Variants in ECD observed in about 807,000 individuals in gnomAD.
ECD encodes the protein protein ecdysoneless homolog.
In ECD, 59 loss-of-function variants were observed where a neutral mutation model predicts 77.2. The observed-to-expected ratio is 0.76, with a 90% CI of 0.62 to 0.95. The LOEUF (loss-of-function observed/expected upper bound fraction) is 0.95, where lower values mean the gene tolerates loss of function less well. Ranked by LOEUF, ECD falls within the 40% of genes least tolerant of loss-of-function variation. The probability of loss-of-function intolerance (pLI) is 0.00; values close to 1 mark genes in which losing one functional copy is unlikely to be tolerated. For missense variants in ECD, 704 were observed against 763.4 expected, an observed-to-expected ratio of 0.92 and a Z score of 0.92; for synonymous variants, 233 against 267.4, an observed-to-expected ratio of 0.87 and a Z score of 1.26.
chr10:73,166,793 C>T lies in ECD; in HGVS notation c.-14+1073G>A, dbSNP rs1589124382. 2.0e-5 allele frequency among the ~76,000 whole-genome samples: 3 copies of T among 152,280 alleles called. No individual in the cohort carries two copies. In the South Asian group the frequency reaches 6.2e-4, roughly 32 times the overall value. On this transcript the variant is annotated intron_variant, in intron 1 of 13. Coordinates refer to ENST00000372979, the MANE Select transcript of ECD (RefSeq NM_007265.3). ...TCCACTTTGTTGATTGTTTCCTTTG[C>T]TGTGCAGAAGCTTTTTAACTTGATG... is the stretch of plus-strand genomic sequence containing the variant.
chr10:73,143,063 C>A (rs1843078732), intron 9 of ECD, among the ~76,000 whole-genome samples: 2 of 152,152 alleles, frequency 1.3e-5, no homozygotes, highest in Admixed American at 6.5e-5. Context: ...GACAAGGACA[C>A]TTTGGGTTCA....
Position 73,160,461 on chromosome 10 carries a change from G to A in ECD, c.296C>T (p.Thr99Ile). 6.2e-7 allele frequency: 1 copy of A among 1,602,666 alleles called. No individual in the cohort carries two copies. Among genetic ancestry groups the A allele is most frequent in the Non-Finnish European group, 8.5e-7 (1 of 1,176,046 alleles). Residue 99 changes from threonine to isoleucine, a missense_variant, in exon 3 of 14, where the codon ACA (threonine) becomes ATA (isoleucine). Transcript: ENST00000372979. ...TGCTACTAACTCTGGAAATTCCTTT[G>A]TGATCTGCTTTATTACATAAACAAT... ...WFIVYVIKQI[T>I]KEFPELVARI... is the part of the protein sequence containing the mutation.
chr10:73,168,091 AT>A (rs772393927), upstream of ECD: 329 of 530,978 alleles, frequency 6.2e-4, no homozygotes, highest in Non-Finnish European at 1.0e-3. Context: ...CGGCGGGAGC[AT>A]TTTGCGAGTG....
At chr10:73,139,824 G>T (rs1589679962) in intron 9 of ECD, 87 bp from the exon 10 acceptor site, 4 of 884,808 alleles carry the variant, frequency 4.5e-6, no homozygotes, top group Non-Finnish European at 5.0e-6. Flanking sequence ...GGTTGGAAGG[G>T]ATTAGCTAGT....
In ECD at chr10:73,136,794, T is replaced by C. The variant is rs552390227; in HGVS notation, c.1614A>G (p.Thr538=). 2 of 1,614,110 alleles carry C rather than the reference T, an allele frequency of 1.2e-6. No homozygotes were observed. The highest frequency in any genetic ancestry group is 1.7e-6 in the Non-Finnish European group (2 of 1,180,012). ...CCATGTATGACTTGAGATTATCAAG[T>C]GTTCCTTTCAGGGAAGCCTCTTCGC... is the stretch of plus-strand genomic sequence containing the variant. ...EPGEEASLKG[T]LDNLKSYMAQ... The change falls in exon 13 of 14, where the codon ACA becomes ACG. Residue 538 remains threonine, a synonymous_variant. Coordinates refer to ENST00000372979, the MANE Select transcript of ECD (RefSeq NM_007265.3).
At chr10:73,139,233 AGTGG>A in intron 11 of ECD, 72 bp downstream of exon 11, 9 of 1,360,712 alleles carry the variant, frequency 6.6e-6, no homozygotes, top group Non-Finnish European at 7.8e-6. Context: ...AAAAAAAAAA[AGTGG>A]AAATGGCAAT....
At chr10:73,142,541 G>A (rs542087355) in intron 9 of ECD, among the ~76,000 whole-genome samples, 1 of 151,558 alleles carries the variant, frequency 6.6e-6, no homozygotes, top group South Asian at 2.1e-4. Flanking sequence ...GGCTGAGGCA[G>A]GGGCATCGCT....
chr10:73,154,146 A>T, intron 6 of ECD, 110 bp downstream of exon 6: 2 of 1,095,080 alleles, frequency 1.8e-6, no homozygotes, highest in Non-Finnish European at 2.5e-6. Flanking sequence ...GAGAACAATT[A>T]AAATAATGTT....
chr10:73,162,665 T>C (rs1843396895), intron 2 of ECD, among the ~76,000 whole-genome samples: 1 of 152,178 alleles, frequency 6.6e-6, no homozygotes, highest in African/African-American at 2.4e-5. Context: ...TGTGATGGTA[T>C]CACAAGATGC....
Position 73,136,715 on chromosome 10 carries a change from T to C in ECD, c.1693A>G (p.Arg565Gly). Reference protein sequence around the residue: ...HTCISKSFTTRNQVEPVSQTT... With the variant: ...HTCISKSFTTGNQVEPVSQTT... Reference sequence around the variant, plus strand: ...AAAAACACACATACCACTTGGTTCCTAGTGGTGAAACTTTTGCTGATGCAG... The same window carrying C: ...AAAAACACACATACCACTTGGTTCCCAGTGGTGAAACTTTTGCTGATGCAG... Residue 565 changes from arginine (R) to glycine (G), a missense_variant, in exon 13 of 14, where the codon AGG (arginine) becomes GGG (glycine). Physicochemically the swap from Arg to Gly is moderately radical, Grantham distance 125. Around this residue, in one of 3 missense-constraint regions of ECD, gnomAD observed 142 missense variants for 163.6 expected, o/e 0.87. Coordinates refer to ENST00000372979, the MANE Select transcript of ECD (RefSeq NM_007265.3). The C allele has an allele frequency of 6.2e-7, 1 of 1,613,826 alleles. No individual in the cohort carries two copies. Among genetic ancestry groups the C allele is most frequent in the Non-Finnish European group, 8.5e-7 (1 of 1,179,758 alleles).
chr10:73,142,506 C>T (rs1467501385), intron 9 of ECD, among the ~76,000 whole-genome samples: 3 of 151,640 alleles, frequency 2.0e-5, no homozygotes, highest in Non-Finnish European at 2.9e-5. Flanking sequence ...TGATGGCACG[C>T]GCCTGTAGTC....
At chr10:73,160,914 T>C (rs1330009419) in intron 2 of ECD, among the ~76,000 whole-genome samples, 1 of 152,204 alleles carries the variant, frequency 6.6e-6, no homozygotes, top group East Asian at 1.9e-4. Flanking sequence ...TATGTATGTA[T>C]AGAGTATTCT....
intron 2 of ECD, among the ~76,000 whole-genome samples, chr10:73,161,583 G>C (rs1438571609): frequency 6.6e-6 from 1 of 152,146 alleles, no homozygotes; most frequent in East Asian, 1.9e-4. Context: ...ACAAAGAAAA[G>C]CTGGCTTCAC....
chr10:73,155,450 A>G lies in ECD; in HGVS notation c.590+825T>C, dbSNP rs140082260. On this transcript the variant is annotated intron_variant, in intron 5 of 13. Transcript: ENST00000372979. The stretch of plus-strand genomic sequence containing the variant: ...ATTTGAATGGATGAACGAATATGTA[A>G]TTAGGCTAAGACCTTTCTTTTCTGA... Among the ~76,000 whole-genome samples, 21 of 152,306 alleles carry G rather than the reference A, an allele frequency of 1.4e-4. No individual in the cohort carries two copies. The East Asian group carries it at 3.9e-3, about 28-fold the overall frequency.
intron 3 of ECD, among the ~76,000 whole-genome samples, chr10:73,158,422 T>C (rs1439027304): frequency 6.6e-6 from 1 of 151,758 alleles, no homozygotes; most frequent in Non-Finnish European, 1.5e-5. Flanking sequence ...ATAATAAATA[T>C]ATAAAATTTT....
At chr10:73,142,489 C>T (rs895631962) in intron 9 of ECD, among the ~76,000 whole-genome samples, 4 of 151,846 alleles carry the variant, frequency 2.6e-5, no homozygotes, top group Non-Finnish European at 4.4e-5. Flanking sequence ...AAAAGATTAG[C>T]CAGGTATGAT....
In ECD at chr10:73,133,802, A is replaced by G. The variant is rs566804473; in HGVS notation, c.*781T>C. ...GATATATCAGTTATATTAAATATCA[A>G]ACCAATTAATTAATTAAAACAATTA... is the stretch of plus-strand genomic sequence containing the variant. On this transcript the variant is annotated 3_prime_UTR_variant, in exon 14 of 14. Coordinates refer to ENST00000372979, the MANE Select transcript of ECD (RefSeq NM_007265.3). The G allele has an allele frequency of 2.0e-5, 3 of 152,324 alleles. No homozygotes were observed. The highest frequency in any genetic ancestry group is 7.2e-5 in the African/African-American group (3 of 41,584). The allele number at this position is 152,324 out of a possible 1,614,324, so 9.4% of individuals were successfully genotyped here. A position where few individuals can be genotyped will look rare whatever the true frequency, so the allele number is the denominator to read the frequency against.
rs764008353 is a variant in ECD at position 73,136,860 on chromosome 10, T to C, written c.1548A>G (p.Leu516=). The C allele has an allele frequency of 4.3e-6, 7 of 1,614,026 alleles. No homozygotes were observed. The South Asian group carries it at 5.5e-5, about 13-fold the overall frequency. ...DDLDDEDFEC[L]DSDDDLDFET... ...CAAAGTCCAAGTCATCATCACTATC[T>C]AAACATTCAAAGTCTTCATCATCCA... The change falls in exon 13 of 14, where the codon TTA becomes TTG. Residue 516 remains leucine (L), a synonymous_variant. Transcript: ENST00000372979.
Position 73,152,425 on chromosome 10 carries a change from GGCATCAAGACACAAAATACAT to G in ECD, c.784-25_784-5del, listed in dbSNP as rs1200334050. 6.2e-7 allele frequency: 1 copy of G among 1,610,074 alleles called. No individual in the cohort carries two copies. Among genetic ancestry groups the G allele is most frequent in the African/African-American group, 1.3e-5 (1 of 74,802 alleles). ...ATAGACATTTAGTGAATGTGACCTGGGCATCAAGACACAAAATACATGAGTCTTTTCCTGAAATTAAGATTG... is the reference window on the plus strand; with the variant it reads ...ATAGACATTTAGTGAATGTGACCTGGGAGTCTTTTCCTGAAATTAAGATTG... On this transcript the variant is annotated splice_region_variant and splice_polypyrimidine_tract_variant and intron_variant, in intron 6 of 13. Transcript: ENST00000372979.
Sources: allele counts gnomAD v4.1 joint callset (sites outside exome capture counted in the v4.1 genomes callset), GRCh38; gene constraint gnomAD v4.1.1; regional missense constraint gnomAD v4.1.1; transcripts MANE v1.5; gene names NCBI Gene and HGNC (gene_info 2026-07-23, HGNC 2026-07-21).